The following DDX59 variants were observed in gnomAD, a reference collection of about 807,000 sequenced individuals.
DDX59 encodes the protein DEAD-box helicase 59.
Under a neutral mutation model 51.9 loss-of-function variants are expected in DDX59, and 30 were observed. The ratio of observed to expected loss-of-function variants is 0.58; its 90% CI spans 0.43 to 0.78. The LOEUF (loss-of-function observed/expected upper bound fraction) is 0.78, where lower values mean the gene tolerates loss of function less well. Ranked by LOEUF, DDX59 falls within the 30% of genes least tolerant of loss-of-function variation. The probability of loss-of-function intolerance (pLI) is 0.00; values close to 1 mark genes in which losing one functional copy is unlikely to be tolerated. For missense variants in DDX59, 672 were observed against 730.8 expected (o/e 0.92, Z 0.93); for synonymous variants, 255 against 253.3 (o/e 1.01, Z -0.06).
intron 4 of DDX59, among the ~76,000 whole-genome samples, chr1:200,653,370 T>C (rs540534684): frequency 6.6e-6 from 1 of 152,280 alleles, no homozygotes; most frequent in South Asian, 2.1e-4. Flanking sequence ...GAAACTCTTA[T>C]TTCATCTGTT....
intron 3 of DDX59, among the ~76,000 whole-genome samples, chr1:200,662,282 T>A (rs1365507452): frequency 1.3e-5 from 2 of 152,138 alleles, no homozygotes; most frequent in African/African-American, 4.8e-5. Context: ...TACTGTAAAG[T>A]ATATGGGGGT....
At chr1:200,648,251 AC>A (rs1476775115) in intron 7 of DDX59, among the ~76,000 whole-genome samples, 187 bp downstream of exon 7, 2 of 151,872 alleles carry the variant, frequency 1.3e-5, no homozygotes, top group Middle Eastern at 3.4e-3. Context: ...TGGTCTGTGA[AC>A]CCCTAACTTC....
chr1:200,657,721 C>A (rs1662118672), intron 4 of DDX59, among the ~76,000 whole-genome samples: 1 of 149,930 alleles, frequency 6.7e-6, no homozygotes, highest in South Asian at 2.1e-4. Flanking sequence ...TGCACTCCAG[C>A]CTGGATGACA....
chr1:200,653,351 G>A (rs1354614946), intron 4 of DDX59, among the ~76,000 whole-genome samples: 2 of 152,092 alleles, frequency 1.3e-5, no homozygotes, highest in African/African-American at 4.8e-5. Context: ...TCAGGAAACA[G>A]CGCCATCAGA....
chr1:200,650,137 C>G (rs1369261097), intron 5 of DDX59, among the ~76,000 whole-genome samples: 1 of 152,140 alleles, frequency 6.6e-6, no homozygotes, highest in Admixed American at 6.5e-5. Flanking sequence ...AGCCACCGCA[C>G]CCAGCCCTTC....
At chr1:200,660,498 G>A (rs1489299335) in intron 3 of DDX59, among the ~76,000 whole-genome samples, 3 of 152,150 alleles carry the variant, frequency 2.0e-5, no homozygotes, top group African/African-American at 7.2e-5. Context: ...AGAGTGCAGG[G>A]TGGAGTCTGG....
At chr1:200,664,153 T>C in intron 2 of DDX59, 67 bp from the exon 3 acceptor site, 2 of 1,516,186 alleles carry the variant, frequency 1.3e-6, no homozygotes, top group Non-Finnish European at 1.8e-6. Flanking sequence ...GAACTAAATC[T>C]TCACAAGGAT....
At chr1:200,664,236 T>C (rs1662568552) in intron 2 of DDX59, 150 bp from the exon 3 acceptor site, 1 of 751,754 alleles carries the variant, frequency 1.3e-6, no homozygotes, top group Non-Finnish European at 2.0e-6. Flanking sequence ...ACTGCAGACT[T>C]TTTTCCTCCA....
At chr1:200,645,806 G>A (rs558247872) in intron 7 of DDX59, among the ~76,000 whole-genome samples, 1 of 152,236 alleles carries the variant, frequency 6.6e-6, no homozygotes, top group East Asian at 1.9e-4. Flanking sequence ...TTTTAACACT[G>A]TAAAAGAAAC....
At chr1:200,643,310 A>C (rs78531951), downstream of DDX59, among the ~76,000 whole-genome samples, 1 of 151,974 alleles carries the variant, frequency 6.6e-6, no homozygotes, top group East Asian at 1.9e-4. Context: ...AAAACTACAT[A>C]TCCTGTAAAT....
chr1:200,649,004 A>G lies in DDX59; in HGVS notation c.1467+70T>C. The G allele has an allele frequency of 2.1e-6, 3 of 1,413,628 alleles. No individual in the cohort carries two copies. In the African/African-American group the frequency reaches 4.4e-5, roughly 21 times the overall value. 87.6% of individuals were successfully genotyped at this position (1,413,628 alleles called of 1,614,324 possible). On this transcript the variant is annotated intron_variant, in intron 6 of 7. Coordinates refer to ENST00000331314, the MANE Select transcript of DDX59 (RefSeq NM_001031725.6). ...ATCTGTTATAAAAACCAGCTGTAAT[A>G]TGGTTATCTCTTGAAAATGAGGCAG...
chr1:200,651,329 A>G (rs2102861569), intron 4 of DDX59, among the ~76,000 whole-genome samples: 1 of 152,282 alleles, frequency 6.6e-6, no homozygotes, highest in Middle Eastern at 3.4e-3. Flanking sequence ...TTGAAATCTA[A>G]CCCACAATGT....
Position 200,650,621 on chromosome 1 carries a change from T to C in DDX59, c.1118A>G (p.Asn373Ser). The C allele has an allele frequency of 6.2e-7, 1 of 1,613,926 alleles. No homozygotes were observed. Among genetic ancestry groups the C allele is most frequent in the Non-Finnish European group, 8.5e-7 (1 of 1,179,896 alleles). The change falls in exon 5 of 8, where the codon AAC becomes AGC. Residue 373 changes from asparagine to serine, a missense_variant. Transcript: ENST00000331314. ...FQQQVLDILENIPNDCQTILV... is the reference protein window; with the variant it reads ...FQQQVLDILESIPNDCQTILV... ...AATGGTCTGACAATCATTAGGAATG[T>C]TTTCCAAAATGTCAAGCACTTGTTG...
intron 2 of DDX59, 131 bp downstream of exon 2, chr1:200,665,806 C>A: frequency 1.1e-6 from 1 of 912,256 alleles, no homozygotes; most frequent in Non-Finnish European, 1.6e-6. Flanking sequence ...AAAATCACTA[C>A]AGGCACTAGT....
chr1:200,658,973 C>A, intron 4 of DDX59, 54 bp downstream of exon 4: 1 of 1,396,524 alleles, frequency 7.2e-7, no homozygotes, highest in Non-Finnish European at 1.0e-6. Flanking sequence ...TATAACTATA[C>A]TTTCCATAAA....
At chr1:200,657,472 G>A (rs968218301) in intron 4 of DDX59, among the ~76,000 whole-genome samples, 1 of 151,642 alleles carries the variant, frequency 6.6e-6, no homozygotes, top group Non-Finnish European at 1.5e-5. Flanking sequence ...ATTTTTGGGC[G>A]GGTGCAGTGG....
At chr1:200,656,854 G>C (rs773536467) in intron 4 of DDX59, among the ~76,000 whole-genome samples, 3 of 152,100 alleles carry the variant, frequency 2.0e-5, no homozygotes, top group Non-Finnish European at 4.4e-5. Flanking sequence ...AGGAATTCAA[G>C]ACCAGCCTGG....
At chr1:200,661,340 C>T (rs989242587) in intron 3 of DDX59, among the ~76,000 whole-genome samples, 16 of 152,034 alleles carry the variant, frequency 1.1e-4, no homozygotes, top group Non-Finnish European at 2.2e-4. Flanking sequence ...GAGAAATTTA[C>T]ATTTCAAAGT....
In DDX59 at chr1:200,659,108, T is replaced by C. The variant is rs1204583035; in HGVS notation, c.981A>G (p.Ile327Met). Residue 327 changes from isoleucine (I) to methionine (M), a missense_variant, in exon 4 of 8, where the codon ATA becomes ATG. Transcript: ENST00000331314. ...TATCCAGAAGTCGCCCAGGGGTTGC[T>C]ATGATAACCTAAATAAAAGAGAAAA... ...YRLQQHVKVI[I>M]ATPGRLLDII... 2 of 1,612,052 alleles carry C rather than the reference T, an allele frequency of 1.2e-6. No individual in the cohort carries two copies. Among genetic ancestry groups the C allele is most frequent in the East Asian group, 2.2e-5 (1 of 44,832 alleles).
Sources: gnomAD v4.1 joint callset for allele counts (sites outside exome capture counted in the v4.1 genomes callset) on GRCh38, gnomAD v4.1.1 for gene constraint, MANE v1.5 for transcripts, NCBI Gene and HGNC (gene_info 2026-07-23, HGNC 2026-07-21) for gene names.